Variants in MAP4K5 observed in about 807,000 individuals in gnomAD.
The protein encoded by MAP4K5 is mitogen-activated protein kinase kinase kinase kinase 5.
MAP4K5 carries 82 observed loss-of-function variants against 135.6 expected under a neutral mutation model. The observed-to-expected ratio is 0.60, with a 90% CI of 0.51 to 0.73. The LOEUF (loss-of-function observed/expected upper bound fraction) is 0.73, where lower values mean the gene tolerates loss of function less well. Among genes scored for constraint, MAP4K5 ranks in the 30% least tolerant of loss-of-function variants. The pLI, the probability that MAP4K5 is intolerant of heterozygous loss-of-function variation, is 0.00. For missense variants in MAP4K5, 907 were observed against 1,010.9 expected (o/e 0.90, Z 1.39); for synonymous variants, 347 against 335.0 (o/e 1.04, Z -0.39).
intron 12 of MAP4K5, among the ~76,000 whole-genome samples, chr14:50,463,390 G>C (rs541950205): frequency 3.9e-5 from 6 of 152,238 alleles, no homozygotes; most frequent in African/African-American, 1.4e-4. Context: ...TCTAAGGCAG[G>C]GGTCAGCAAA....
At chr14:50,543,225 A>G (rs189433005) in intron 1 of MAP4K5, among the ~76,000 whole-genome samples, 1 of 152,332 alleles carries the variant, frequency 6.6e-6, no homozygotes, top group Non-Finnish European at 1.5e-5. Context: ...AGGATAATTC[A>G]GTTACTGCCA....
chr14:50,485,085 A>T (rs75662362), intron 5 of MAP4K5, among the ~76,000 whole-genome samples: 2,131 of 152,258 alleles, frequency 0.014, 18 homozygotes, highest in Middle Eastern at 0.041. Context: ...AAACAGTATT[A>T]GACTGTAATG....
upstream of MAP4K5, chr14:50,533,149 A>G (rs2038442153): frequency 6.6e-6 from 1 of 152,330 alleles, no homozygotes; most frequent in Admixed American, 6.5e-5. Flanking sequence ...CATTTCTGAA[A>G]GTCTGAATTC....
intron 11 of MAP4K5, among the ~76,000 whole-genome samples, chr14:50,465,776 C>T (rs990100231): frequency 6.6e-6 from 1 of 152,028 alleles, no homozygotes; most frequent in African/African-American, 2.4e-5. Flanking sequence ...TATGAGAACA[C>T]TGGATTATAA....
intron 3 of MAP4K5, among the ~76,000 whole-genome samples, chr14:50,503,822 T>G (rs921864887): frequency 6.6e-6 from 1 of 152,076 alleles, no homozygotes; most frequent in African/African-American, 2.4e-5. Context: ...ATAACCATCC[T>G]TGAACATAAT....
At chr14:50,476,631 T>G (rs2037105850) in intron 6 of MAP4K5, among the ~76,000 whole-genome samples, 1 of 152,162 alleles carries the variant, frequency 6.6e-6, no homozygotes, top group African/African-American at 2.4e-5. Context: ...CAGCTAATTT[T>G]TGTATTTTTT....
intron 9 of MAP4K5, among the ~76,000 whole-genome samples, 195 bp from the exon 10 acceptor site, chr14:50,468,977 T>C (rs2036895714): frequency 1.3e-5 from 2 of 152,306 alleles, no homozygotes; most frequent in Admixed American, 6.5e-5. Flanking sequence ...ATTAAGAATC[T>C]TGAATGCCCT....
chr14:50,497,513 G>A (rs2139989362), intron 3 of MAP4K5, among the ~76,000 whole-genome samples: 1 of 152,292 alleles, frequency 6.6e-6, no homozygotes, highest in African/African-American at 2.4e-5. Flanking sequence ...GATGACACTT[G>A]TCCTATTTGG....
At chr14:50,543,619 A>G (rs2038593118) in intron 1 of MAP4K5, among the ~76,000 whole-genome samples, 1 of 152,216 alleles carries the variant, frequency 6.6e-6, no homozygotes. Context: ...AGAGGAAAGT[A>G]TGCAGAAGGA....
intron 2 of MAP4K5, among the ~76,000 whole-genome samples, chr14:50,514,938 C>G (rs995440174): frequency 6.8e-6 from 1 of 148,108 alleles, no homozygotes; most frequent in African/African-American, 2.5e-5. Flanking sequence ...GAGTCTCGCT[C>G]TGTCGCCCAG....
At chr14:50,440,286 C>G in intron 22 of MAP4K5, 76 bp downstream of exon 22, 1 of 1,003,202 alleles carries the variant, frequency 1.0e-6, no homozygotes, top group South Asian at 1.5e-5. Flanking sequence ...GGGGCCTACA[C>G]AGATTGATTT....
At chr14:50,512,520 C>T (rs2037950916) in intron 2 of MAP4K5, among the ~76,000 whole-genome samples, 1 of 152,136 alleles carries the variant, frequency 6.6e-6, no homozygotes, top group Non-Finnish European at 1.5e-5. Flanking sequence ...CAAACTACAG[C>T]TCCCGCTGAT....
chr14:50,534,019 G>T (rs936755301), upstream of MAP4K5, among the ~76,000 whole-genome samples: 2 of 152,138 alleles, frequency 1.3e-5, no homozygotes, highest in African/African-American at 4.8e-5. Context: ...AAGATTCTTG[G>T]CACTTGTTTT....
At chr14:50,535,491 T>A (rs1205293951), upstream of MAP4K5, among the ~76,000 whole-genome samples, 1 of 152,264 alleles carries the variant, frequency 6.6e-6, no homozygotes, top group Non-Finnish European at 1.5e-5. Context: ...TTCAGTTGAC[T>A]GCTCTATAGA....
At chr14:50,550,772 A>G (rs960033972) in intron 1 of MAP4K5, among the ~76,000 whole-genome samples, 2 of 152,260 alleles carry the variant, frequency 1.3e-5, no homozygotes, top group African/African-American at 4.8e-5. Context: ...AAATACATAG[A>G]AATTAAATAA....
chr14:50,554,849 C>G (rs1379412530), intron 1 of MAP4K5, among the ~76,000 whole-genome samples: 1 of 152,278 alleles, frequency 6.6e-6, no homozygotes, highest in African/African-American at 2.4e-5. Flanking sequence ...TCTCTTGGTT[C>G]CCTCCCAGCT....
At chr14:50,430,876 AG>A (rs1165358726) in intron 28 of MAP4K5, among the ~76,000 whole-genome samples, 2 of 152,164 alleles carry the variant, frequency 1.3e-5, no homozygotes, top group African/African-American at 2.4e-5. Context: ...GGAAACTGAA[AG>A]TGGGTGGTAA....
intron 2 of MAP4K5, among the ~76,000 whole-genome samples, chr14:50,509,673 T>TAA (rs58110395): frequency 0.022 from 3,184 of 144,676 alleles, 53 homozygotes; most frequent in Non-Finnish European, 0.038. Flanking sequence ...GAACTGGAAT[T>TAA]AAAAAAAAAA....
At chr14:50,491,010 C>T (rs1380048013) in intron 3 of MAP4K5, among the ~76,000 whole-genome samples, 1 of 152,040 alleles carries the variant, frequency 6.6e-6, no homozygotes, top group Non-Finnish European at 1.5e-5. Context: ...TCGGTTGCAC[C>T]CCTCGTGTAT....
Sources: allele counts gnomAD v4.1 joint callset (sites outside exome capture counted in the v4.1 genomes callset), GRCh38; gene constraint gnomAD v4.1.1; transcripts MANE v1.5; gene names NCBI Gene and HGNC (gene_info 2026-07-23, HGNC 2026-07-21).